The following RTL4 variants were observed in gnomAD, a reference collection of about 807,000 sequenced individuals.
The protein encoded by RTL4 is retrotransposon Gag like 4, also known as retrotransposon Gag-like protein 4.
RTL4 carries 4 observed loss-of-function variants against 5.3 expected under a neutral mutation model. The observed-to-expected ratio is 0.75, with a 90% CI of 0.37 to 1.72. The LOEUF (loss-of-function observed/expected upper bound fraction) is 1.72, where lower values mean the gene tolerates loss of function less well. Among genes scored for constraint, RTL4 ranks in the 40% most tolerant of loss-of-function variants. The pLI is 0.04. For synonymous variants in RTL4, 98 were observed against 87.3 expected (o/e 1.12, Z -0.68); for missense variants, 260 against 227.1 (o/e 1.14, Z -0.93).
At chrX:112,442,870 G>A in the RTL4 span, among the ~76,000 whole-genome samples, 26 of 111,180 alleles carry the variant, frequency 2.3e-4, no homozygotes, top group Admixed American at 8.6e-4. Context: ...TGGAACATGG[G>A]GTATCCCTCC....
chrX:112,310,637 AT>A, the RTL4 span, among the ~76,000 whole-genome samples: 14 of 61,167 alleles, frequency 2.3e-4, no homozygotes, highest in African/African-American at 1.0e-3. Context: ...ATGTTTATAT[AT>A]TATATATATT....
At chrX:112,285,209 T>C in the RTL4 span, among the ~76,000 whole-genome samples, 1 of 111,787 alleles carries the variant, frequency 8.9e-6, no homozygotes, top group East Asian at 2.8e-4. Flanking sequence ...ATGTTTCAAA[T>C]GTGCTCTAGT....
chrX:112,451,291 G>A (rs1926730676), upstream of RTL4, among the ~76,000 whole-genome samples: 1 of 111,389 alleles, frequency 9.0e-6, no homozygotes, highest in Admixed American at 9.5e-5. Context: ...CTTGAGCCCA[G>A]GAGTTCAAGA....
chrX:112,382,938 G>A, the RTL4 span, among the ~76,000 whole-genome samples: 10 of 111,799 alleles, frequency 8.9e-5, no homozygotes, highest in Non-Finnish European at 1.9e-4. Flanking sequence ...GTAGCATTGA[G>A]GTGACTGAAT....
chrX:112,233,817 A>C, the RTL4 span, among the ~76,000 whole-genome samples: 1 of 111,692 alleles, frequency 9.0e-6, no homozygotes, highest in Admixed American at 9.6e-5. Context: ...CCCTGCCACA[A>C]AGTAGACATA....
At chrX:112,393,261 C>T in the RTL4 span, among the ~76,000 whole-genome samples, 2 of 106,083 alleles carry the variant, frequency 1.9e-5, no homozygotes, top group Admixed American at 2.0e-4. Context: ...GCAACCTCCG[C>T]CTCCCGGGTT....
the RTL4 span, among the ~76,000 whole-genome samples, chrX:112,107,906 C>A: frequency 3.6e-5 from 4 of 111,770 alleles, no homozygotes; most frequent in African/African-American, 1.3e-4. Context: ...TTTCTACTTC[C>A]TTTTCTTTCA....
chrX:112,289,559 T>G, the RTL4 span, among the ~76,000 whole-genome samples: 2 of 112,390 alleles, frequency 1.8e-5, no homozygotes, highest in Non-Finnish European at 3.8e-5. Context: ...GCATGTGTAT[T>G]AACCTTTCTG....
chrX:112,321,075 T>C, the RTL4 span, among the ~76,000 whole-genome samples: 1 of 111,253 alleles, frequency 9.0e-6, no homozygotes, highest in African/African-American at 3.3e-5. Flanking sequence ...TTTCCTTCTA[T>C]GTTGAGCAAC....
chrX:112,394,231 G>A, the RTL4 span, among the ~76,000 whole-genome samples: 1 of 110,904 alleles, frequency 9.0e-6, no homozygotes, highest in African/African-American at 3.3e-5. Flanking sequence ...TCCATTCTCC[G>A]TGGGTTGGGT....
At chrX:112,354,360 C>T in the RTL4 span, among the ~76,000 whole-genome samples, 1 of 111,274 alleles carries the variant, frequency 9.0e-6, no homozygotes, top group Non-Finnish European at 1.9e-5. Context: ...TAGTACCTAA[C>T]CTTCCTCATT....
At chrX:112,230,820 C>T in the RTL4 span, among the ~76,000 whole-genome samples, 2 of 110,868 alleles carry the variant, frequency 1.8e-5, no homozygotes, top group African/African-American at 3.3e-5. Flanking sequence ...ATTTTTGCAA[C>T]CTACTCATCT....
the RTL4 span, among the ~76,000 whole-genome samples, chrX:112,144,655 A>AATAACTGG: frequency 9.0e-6 from 1 of 111,639 alleles, no homozygotes; most frequent in African/African-American, 3.3e-5. Flanking sequence ...ATTAAATCAG[A>AATAACTGG]ATAACTGGAA....
chrX:112,248,550 T>G, the RTL4 span, among the ~76,000 whole-genome samples: 1 of 112,544 alleles, frequency 8.9e-6, no homozygotes, highest in South Asian at 3.6e-4. Flanking sequence ...GAAGAGTGCC[T>G]ATTTTGAATG....
chrX:112,403,902 C>T, the RTL4 span, among the ~76,000 whole-genome samples: 10 of 111,997 alleles, frequency 8.9e-5, no homozygotes, highest in African/African-American at 3.2e-4. Flanking sequence ...AATTAGTTAC[C>T]AGCATTTAAA....
the RTL4 span, among the ~76,000 whole-genome samples, chrX:112,089,912 A>G: frequency 9.0e-6 from 1 of 111,582 alleles, no homozygotes; most frequent in South Asian, 3.7e-4. Context: ...TTCTTCCTTA[A>G]TTACTTTCAG....
the RTL4 span, among the ~76,000 whole-genome samples, chrX:112,401,657 C>G: frequency 5.9e-3 from 656 of 111,054 alleles, 2 homozygotes; most frequent in Non-Finnish European, 9.7e-3. Context: ...CTAAGTAACT[C>G]TGATTTAAAC....
the RTL4 span, among the ~76,000 whole-genome samples, chrX:112,426,553 A>G: frequency 8.1e-5 from 9 of 111,425 alleles, no homozygotes; most frequent in East Asian, 2.5e-3. Flanking sequence ...TACATATTTT[A>G]TCAGAGTTCT....
At chrX:112,111,311 C>T in the RTL4 span, among the ~76,000 whole-genome samples, 2,584 of 110,839 alleles carry the variant, frequency 0.023, 34 homozygotes, top group Non-Finnish European at 0.035. Flanking sequence ...CTCTTCCTCT[C>T]TGTCTCCTTC....
Sources: gnomAD v4.1 joint callset for allele counts (sites outside exome capture counted in the v4.1 genomes callset) on GRCh38, gnomAD v4.1.1 for gene constraint, MANE v1.5 for transcripts, NCBI Gene and HGNC (gene_info 2026-07-23, HGNC 2026-07-21) for gene names.